Variants in NFIC observed in about 807,000 individuals in gnomAD.
NFIC encodes the protein nuclear factor 1 C-type.
NFIC carries 12 observed loss-of-function variants against 54.4 expected under a neutral mutation model. The ratio of observed to expected loss-of-function variants is 0.22; its 90% CI spans 0.14 to 0.36. NFIC has a LOEUF of 0.36. Ranked by LOEUF, NFIC falls within the 10% of genes least tolerant of loss-of-function variation. The probability of loss-of-function intolerance (pLI) is 1.00; values close to 1 mark genes in which losing one functional copy is unlikely to be tolerated. For synonymous variants in NFIC, 322 were observed against 319.2 expected (o/e 1.01, Z -0.09); for missense variants, 575 against 718.2 (o/e 0.80, Z 2.28).
At position 3,382,224 on chromosome 19, in the gene NFIC, C is replaced by T. The variant is rs201632995; in HGVS notation, c.543C>T (p.Ala181=). The change falls in exon 2 of 11, where the codon GCC becomes GCT. Residue 181 remains alanine (A), a synonymous_variant. Coordinates refer to ENST00000443272, the MANE Select transcript of NFIC (RefSeq NM_001245002.2). ...TCAAGGAGCTGGACCTCTACCTGGC[C>T]TACTTCGTGCGTGAGCGAGGTGAGG... ...VAVKELDLYL[A]YFVRERDAEQ... The T allele has an allele frequency of 1.9e-6, 3 of 1,604,078 alleles. No individual in the cohort carries two copies. The highest frequency in any genetic ancestry group is 4.5e-5 in the East Asian group (2 of 44,862).
chr19:3,468,182 C>T lies in NFIC; in HGVS notation c.*5413C>T, dbSNP rs1599745117. 6.6e-6 allele frequency: 1 copy of T among 152,094 alleles called. No individual in the cohort carries two copies. The highest frequency in any genetic ancestry group is 1.5e-5 in the Non-Finnish European group (1 of 68,070). 9.4% of individuals were successfully genotyped at this position (152,094 alleles called of 1,614,324 possible). On this transcript the variant is annotated 3_prime_UTR_variant, in exon 11 of 11. Coordinates refer to ENST00000443272, the MANE Select transcript of NFIC (RefSeq NM_001245002.2). ...TCTGCTGGTGTGGCTTTGGGATTCT[C>T]CTGCCCCACCCCCCCGTCCATGGCA...
At chr19:3,363,232 T>TGTGTGTGTGTGTGCGC (rs201714015), upstream of NFIC, among the ~76,000 whole-genome samples, 82 of 52,970 alleles carry the variant, frequency 1.5e-3, 5 homozygotes, top group African/African-American at 5.3e-3. Flanking sequence ...TATGTATGTG[T>TGTGTGTGTGTGTGCGC]ATGTGTGTGT....
At chr19:3,451,632 T>TAAAAAAAAAAAAAAAA (rs542068323) in intron 7 of NFIC, among the ~76,000 whole-genome samples, 2 of 131,510 alleles carry the variant, frequency 1.5e-5, no homozygotes, top group African/African-American at 5.6e-5. Context: ...TTCTATCTCT[T>TAAAAAAAAAAAAAAAA]AAAAAAAAAA....
chr19:3,359,797 G>A (rs1051347150), intron 1 of NFIC: 14 of 1,174,862 alleles, frequency 1.2e-5, no homozygotes, highest in Non-Finnish European at 1.3e-5. Flanking sequence ...GCCGCCCGGA[G>A]GAGGGGCTCG....
At chr19:3,410,082 A>T (rs7252626) in intron 2 of NFIC, among the ~76,000 whole-genome samples, 1 of 151,814 alleles carries the variant, frequency 6.6e-6, no homozygotes, top group Admixed American at 6.5e-5. Flanking sequence ...GCTCCTTTGC[A>T]CAGGCTGGAG....
At chr19:3,404,720 A>G (rs2081616071) in intron 2 of NFIC, among the ~76,000 whole-genome samples, 1 of 152,194 alleles carries the variant, frequency 6.6e-6, no homozygotes, top group South Asian at 2.1e-4. Flanking sequence ...GAGAGGCGAG[A>G]AAATGGCCGC....
At chr19:3,385,970 G>C (rs890417732) in intron 2 of NFIC, among the ~76,000 whole-genome samples, 3 of 150,862 alleles carry the variant, frequency 2.0e-5, no homozygotes, top group African/African-American at 7.3e-5. Flanking sequence ...GCCTCCCAAA[G>C]TGCCAGGATT....
rs117957184 is a variant in NFIC at position 3,375,152 on chromosome 19, A to G, written c.31-6560A>G. Among the ~76,000 whole-genome samples, 4,029 of 150,244 alleles carry G rather than the reference A, an allele frequency of 0.027. 100 individuals are homozygous for G. The highest frequency in any genetic ancestry group is 0.048 in the Middle Eastern group (14 of 294). ...AGAGAGAGAGGGGGGTTGGGGAGAG[A>G]AGGAGTTGGGGGGACAGTGATCCCT... is the stretch of plus-strand genomic sequence containing the variant. On this transcript the variant is annotated intron_variant, in intron 1 of 10. Transcript: ENST00000443272. The surrounding 1 kb of genome is among the most constrained non-coding windows in gnomAD (Gnocchi z 4.6).
At chr19:3,448,923 T>C in intron 6 of NFIC, 91 bp from the exon 7 acceptor site, 1 of 1,510,078 alleles carries the variant, frequency 6.6e-7, no homozygotes, top group Non-Finnish European at 8.9e-7. Flanking sequence ...GTGATGAGGC[T>C]TCCTATCCCT....
chr19:3,386,840 C>T (rs1434248019), intron 2 of NFIC, among the ~76,000 whole-genome samples: 14 of 152,124 alleles, frequency 9.2e-5, no homozygotes, highest in Non-Finnish European at 2.9e-5. Flanking sequence ...ACGGTGTGGT[C>T]ACCTTCTGGC....
At chr19:3,446,480 GCCCCAGTGT>G (rs950403867) in intron 6 of NFIC, among the ~76,000 whole-genome samples, 30 of 152,312 alleles carry the variant, frequency 2.0e-4, no homozygotes, top group African/African-American at 7.2e-4. Context: ...GAATGATCCA[GCCCCAGTGT>G]CCACAGTGCC....
intron 6 of NFIC, among the ~76,000 whole-genome samples, chr19:3,440,545 C>G (rs1432782417): frequency 1.3e-5 from 2 of 151,970 alleles, no homozygotes; most frequent in Non-Finnish European, 2.9e-5. Flanking sequence ...ATTCTCGTGC[C>G]TCAGCCTCCC....
intron 6 of NFIC, 86 bp downstream of exon 6, chr19:3,435,293 C>CGCCGCGGGGCAGGAAGCCGGCCTGGA: frequency 7.0e-7 from 1 of 1,429,728 alleles, no homozygotes. Context: ...ACTGCGCGGG[C>CGCCGCGGGGCAGGAAGCCGGCCTGGA]GCCGCGGGGC....
chr19:3,424,858 G>T (rs2082003507), intron 2 of NFIC, among the ~76,000 whole-genome samples: 1 of 152,206 alleles, frequency 6.6e-6, no homozygotes, highest in Admixed American at 6.5e-5. Context: ...CAACATACGG[G>T]TACACTGGCG....
chr19:3,385,692 T>C (rs2081286347), intron 2 of NFIC, among the ~76,000 whole-genome samples: 1 of 150,644 alleles, frequency 6.6e-6, no homozygotes, highest in Admixed American at 6.6e-5. Flanking sequence ...CCTGCCTCAG[T>C]CTCCCGAGTA....
intron 2 of NFIC, among the ~76,000 whole-genome samples, chr19:3,400,670 G>A (rs955292338): frequency 2.4e-4 from 37 of 152,018 alleles, no homozygotes; most frequent in Non-Finnish European, 4.7e-4. Flanking sequence ...GTGAAACCCC[G>A]TTCCTACTAA....
At chr19:3,427,119 G>A (rs1195651404) in intron 3 of NFIC, among the ~76,000 whole-genome samples, 1 of 151,812 alleles carries the variant, frequency 6.6e-6, no homozygotes, top group African/African-American at 2.4e-5. Flanking sequence ...GTAGAGATGG[G>A]GTTTCACCGT....
intron 2 of NFIC, among the ~76,000 whole-genome samples, chr19:3,396,756 G>A (rs1000127923): frequency 1.3e-5 from 2 of 152,222 alleles, no homozygotes. Flanking sequence ...AGGAGTTCGA[G>A]ACCAGTCTGG....
intron 2 of NFIC, among the ~76,000 whole-genome samples, chr19:3,418,681 G>A (rs2081906867): frequency 6.6e-6 from 1 of 152,084 alleles, no homozygotes; most frequent in Non-Finnish European, 1.5e-5. Context: ...GCAAAATCCT[G>A]TCTCTACTAA....
Sources: allele counts gnomAD v4.1 joint callset (sites outside exome capture counted in the v4.1 genomes callset), GRCh38; gene constraint gnomAD v4.1.1; non-coding constraint Gnocchi (gnomAD v3.1); transcripts MANE v1.5; gene names NCBI Gene and HGNC (gene_info 2026-07-23, HGNC 2026-07-21).